Variants in TMPRSS15 observed in about 807,000 individuals in gnomAD.
The protein encoded by TMPRSS15 is enteropeptidase.
A neutral mutation model predicts 125.3 loss-of-function variants in TMPRSS15; 128 were observed. That is an observed-to-expected ratio of 1.02 (90% CI 0.89 to 1.18). TMPRSS15 has a LOEUF of 1.18. Ranked by LOEUF, TMPRSS15 falls within the 50% of genes most tolerant of loss-of-function variation. The probability of loss-of-function intolerance (pLI) is 0.00; values close to 1 mark genes in which losing one functional copy is unlikely to be tolerated. For missense variants in TMPRSS15, 1,283 were observed against 1,212.7 expected (o/e 1.06, Z -0.86); for synonymous variants, 446 against 423.2 (o/e 1.05, Z -0.66).
chr21:18,412,458 A>G (rs1569063839), intron 1 of TMPRSS15, among the ~76,000 whole-genome samples: 2 of 152,232 alleles, frequency 1.3e-5, no homozygotes, highest in South Asian at 2.1e-4. Flanking sequence ...GAATTAAAGA[A>G]CTAAAAGTTC....
At chr21:18,381,330 A>G (rs1391151416) in intron 4 of TMPRSS15, among the ~76,000 whole-genome samples, 2 of 152,154 alleles carry the variant, frequency 1.3e-5, no homozygotes, top group Non-Finnish European at 2.9e-5. Flanking sequence ...CACTGAAGAT[A>G]AAATAAAATT....
intron 18 of TMPRSS15, among the ~76,000 whole-genome samples, chr21:18,305,615 A>AT (rs1290412861): frequency 6.6e-6 from 1 of 152,158 alleles, no homozygotes; most frequent in African/African-American, 2.4e-5. Context: ...AGACTAGGTG[A>AT]TTCTTATGTA....
At chr21:18,455,368 A>G (rs1361638532) in intron 1 of TMPRSS15, among the ~76,000 whole-genome samples, 1 of 152,202 alleles carries the variant, frequency 6.6e-6, no homozygotes, top group Non-Finnish European at 1.5e-5. Flanking sequence ...GTTATTGTCA[A>G]TGAAATGACA....
At chr21:18,330,503 C>G (rs2075333916) in intron 14 of TMPRSS15, among the ~76,000 whole-genome samples, 1 of 152,138 alleles carries the variant, frequency 6.6e-6, no homozygotes, top group Admixed American at 6.5e-5. Flanking sequence ...TTGTCTCCTA[C>G]TTTGGTATGT....
At chr21:18,273,772 T>A (rs557594811) in intron 24 of TMPRSS15, among the ~76,000 whole-genome samples, 7 of 152,266 alleles carry the variant, frequency 4.6e-5, no homozygotes, top group Admixed American at 1.3e-4. Context: ...AAAAGAAGTA[T>A]AAGACCCGAA....
intron 24 of TMPRSS15, 100 bp downstream of exon 24, chr21:18,275,093 TGAAA>T: frequency 1.4e-6 from 2 of 1,450,042 alleles, no homozygotes; most frequent in Non-Finnish European, 1.9e-6. Flanking sequence ...AAAAGAGAAA[TGAAA>T]GAAGCTTATT....
chr21:18,285,001 A>C (rs757252283), intron 21 of TMPRSS15, among the ~76,000 whole-genome samples: 194 of 15,106 alleles, frequency 0.013, 4 homozygotes, highest in Admixed American at 0.043. Flanking sequence ...AACTCTGCCC[A>C]AAAAAAAAAA....
intron 1 of TMPRSS15, among the ~76,000 whole-genome samples, chr21:18,483,436 T>C (rs994073064): frequency 6.6e-6 from 1 of 151,842 alleles, no homozygotes; most frequent in African/African-American, 2.4e-5. Context: ...GGTTTTAACA[T>C]TTGCTACTCC....
At chr21:18,410,391 T>G (rs2076163102) in intron 1 of TMPRSS15, among the ~76,000 whole-genome samples, 1 of 152,134 alleles carries the variant, frequency 6.6e-6, no homozygotes, top group Admixed American at 6.6e-5. Flanking sequence ...TCCTAATGGC[T>G]CCTCCCATCT....
At chr21:18,352,872 C>T (rs763250257) in intron 10 of TMPRSS15, 31 bp downstream of exon 10, 1 of 1,607,152 alleles carries the variant, frequency 6.2e-7, no homozygotes, top group Non-Finnish European at 8.5e-7. Flanking sequence ...GAATTAAAAT[C>T]CTTTTGACTT....
chr21:18,461,693 C>T (rs1200123495), intron 1 of TMPRSS15, among the ~76,000 whole-genome samples: 2 of 151,982 alleles, frequency 1.3e-5, no homozygotes, highest in African/African-American at 4.8e-5. Flanking sequence ...TTTCTTTGTA[C>T]AATAATGTTT....
intron 10 of TMPRSS15, among the ~76,000 whole-genome samples, chr21:18,344,861 G>A (rs903930835): frequency 6.6e-6 from 1 of 152,186 alleles, no homozygotes; most frequent in African/African-American, 2.4e-5. Flanking sequence ...CAAATGTGAT[G>A]TTGGATTAAT....
chr21:18,472,292 G>A (rs1978795341), intron 1 of TMPRSS15, among the ~76,000 whole-genome samples: 1 of 151,912 alleles, frequency 6.6e-6, no homozygotes, highest in African/African-American at 2.4e-5. Context: ...TAGTGTGCAT[G>A]TCATACCTTA....
intron 1 of TMPRSS15, among the ~76,000 whole-genome samples, chr21:18,464,617 G>A (rs1187126641): frequency 6.6e-6 from 1 of 152,102 alleles, no homozygotes; most frequent in Non-Finnish European, 1.5e-5. Flanking sequence ...TACCATCAGA[G>A]AATAGTATAA....
In TMPRSS15 at chr21:18,369,146, G is replaced by T. The variant is rs981682484; in HGVS notation, c.664+3047C>A. On this transcript the variant is annotated intron_variant, in intron 6 of 24. Transcript: ENST00000284885. Reference sequence around the variant, plus strand: ...GCCTGTCAAATTATAGCAGCCATTCGATTGCACTATCAGAAATGTTGCCTG... The same window carrying T: ...GCCTGTCAAATTATAGCAGCCATTCTATTGCACTATCAGAAATGTTGCCTG... 3.9e-5 allele frequency among the ~76,000 whole-genome samples: 6 copies of T among 152,228 alleles called. No homozygotes were observed. The South Asian group carries it at 6.2e-4, about 16-fold the overall frequency.
intron 1 of TMPRSS15, among the ~76,000 whole-genome samples, chr21:18,436,173 G>A (rs894428676): frequency 1.3e-5 from 2 of 150,872 alleles, no homozygotes; most frequent in African/African-American, 4.9e-5. Context: ...CCTTCTGCTA[G>A]CTTTTGAATG....
chr21:18,365,172 A>G lies in TMPRSS15; in HGVS notation c.741T>C (p.Ser247=), dbSNP rs773708711. The change falls in exon 7 of 25, where the codon TCT becomes TCC. Residue 247 remains serine, a synonymous_variant. Coordinates refer to ENST00000284885, the MANE Select transcript of TMPRSS15 (RefSeq NM_002772.3). The part of the protein sequence containing the change: ...SFQATHYPKP[S]ETSVVCQWII... ...TCCACTGGCAGACAACACTTGTTTC[A>G]GAAGGTTTTGGATAATGAGTAGCCT... The G allele has an allele frequency of 1.2e-6, 2 of 1,614,142 alleles. No homozygotes were observed. Among genetic ancestry groups the G allele is most frequent in the Admixed American group, 3.3e-5 (2 of 60,026 alleles).
chr21:18,279,301 C>G (rs1285416646), intron 22 of TMPRSS15, among the ~76,000 whole-genome samples: 1 of 139,252 alleles, frequency 7.2e-6, no homozygotes, highest in African/African-American at 2.7e-5. Context: ...TTACTAGTCT[C>G]CTCGTTACTC....
In TMPRSS15 at chr21:18,353,736, G is replaced by C; in HGVS notation, c.1008C>G (p.Ser336Arg). 6.2e-7 allele frequency: 1 copy of C among 1,610,706 alleles called. No individual in the cohort carries two copies. Among genetic ancestry groups the C allele is most frequent in the South Asian group, 1.1e-5 (1 of 90,890 alleles). ...AATAATACTTACTATTAAGCTCACT[G>C]CTGTTAAATGCAGTATATGTTGCAT... ...GFNATYTAFNSSELNNYEKIN... is the reference protein window; with the variant it reads ...GFNATYTAFNRSELNNYEKIN... The change falls in exon 9 of 25, where the codon AGC (serine) becomes AGG (arginine). Residue 336 changes from serine to arginine, a missense_variant. Ser to Arg is a moderately radical substitution (Grantham distance 110). Transcript: ENST00000284885.
Sources: allele counts gnomAD v4.1 joint callset (sites outside exome capture counted in the v4.1 genomes callset), GRCh38; gene constraint gnomAD v4.1.1; transcripts MANE v1.5; gene names NCBI Gene and HGNC (gene_info 2026-07-23, HGNC 2026-07-21).